The following SYN2 variants were observed in gnomAD, a reference collection of about 807,000 sequenced individuals.
SYN2 encodes synapsin II.
SYN2 carries 19 observed loss-of-function variants against 50.9 expected under a neutral mutation model. That is an observed-to-expected ratio of 0.37 (90% CI 0.26 to 0.55). The LOEUF (loss-of-function observed/expected upper bound fraction) is 0.55, where lower values mean the gene tolerates loss of function less well. Among genes scored for constraint, SYN2 ranks in the 20% least tolerant of loss-of-function variants. The pLI is 0.81. For missense variants in SYN2, 587 were observed against 576.4 expected (o/e 1.02, Z -0.19); for synonymous variants, 255 against 224.9 (o/e 1.13, Z -1.20).
intron 1 of SYN2, among the ~76,000 whole-genome samples, chr3:12,022,989 C>T (rs954150735): frequency 6.6e-6 from 1 of 152,124 alleles, no homozygotes; most frequent in Admixed American, 6.6e-5. Flanking sequence ...TAGAGAAATG[C>T]TTACAAGAGT....
chr3:12,055,875 C>T (rs537407482), intron 1 of SYN2, among the ~76,000 whole-genome samples: 1 of 152,294 alleles, frequency 6.6e-6, no homozygotes, highest in South Asian at 2.1e-4. Flanking sequence ...AGGTATTGAA[C>T]ATCAACAGCT....
chr3:12,034,843 C>A (rs952015594), intron 1 of SYN2, among the ~76,000 whole-genome samples: 2 of 152,158 alleles, frequency 1.3e-5, no homozygotes, highest in African/African-American at 4.8e-5. Flanking sequence ...CCAGCACCAG[C>A]CCCCTTCTCA....
chr3:12,100,859 G>T (rs550795435), intron 1 of SYN2, among the ~76,000 whole-genome samples: 1 of 152,092 alleles, frequency 6.6e-6, no homozygotes, highest in Middle Eastern at 3.4e-3. Flanking sequence ...GAACATCTAC[G>T]TGTCAAGTAG....
At chr3:12,077,149 A>T (rs538216505) in intron 1 of SYN2, among the ~76,000 whole-genome samples, 142 of 152,178 alleles carry the variant, frequency 9.3e-4, no homozygotes, top group African/African-American at 3.3e-3. Flanking sequence ...AGTTAAGTTA[A>T]TATGGTTAGT....
chr3:12,087,659 G>A (rs181120096), intron 1 of SYN2, among the ~76,000 whole-genome samples: 131 of 152,076 alleles, frequency 8.6e-4, no homozygotes, highest in Middle Eastern at 6.8e-3. Flanking sequence ...AGGTTGAGGC[G>A]GGAGGATCAC....
At chr3:12,120,298 G>A (rs1295203447) in intron 1 of SYN2, among the ~76,000 whole-genome samples, 1 of 151,810 alleles carries the variant, frequency 6.6e-6, no homozygotes, top group Non-Finnish European at 1.5e-5. Context: ...TTTTTTTTTA[G>A]AGCTTTATTT....
chr3:12,091,307 A>T (rs1010514017), intron 1 of SYN2, among the ~76,000 whole-genome samples: 2 of 152,188 alleles, frequency 1.3e-5, no homozygotes, highest in African/African-American at 2.4e-5. Context: ...ATGGAGCTAT[A>T]AGAAGATAAC....
At chr3:12,120,355 TTGA>T (rs1696527762) in intron 1 of SYN2, among the ~76,000 whole-genome samples, 2 of 152,324 alleles carry the variant, frequency 1.3e-5, no homozygotes, top group African/African-American at 4.8e-5. Context: ...TTTATTGCCC[TTGA>T]TGAGATCTGA....
intron 5 of SYN2, among the ~76,000 whole-genome samples, chr3:12,155,231 G>T (rs369464985): frequency 6.6e-6 from 1 of 152,212 alleles, no homozygotes; most frequent in Non-Finnish European, 1.5e-5. Flanking sequence ...AAAATGACAG[G>T]ATCTCTGCTC....
intron 1 of SYN2, among the ~76,000 whole-genome samples, chr3:12,113,236 G>A (rs1389266160): frequency 6.6e-6 from 1 of 152,134 alleles, no homozygotes; most frequent in Non-Finnish European, 1.5e-5. Context: ...CTAAGGAGAA[G>A]AGTGTACGTA....
chr3:12,146,311 A>G (rs2125220353), intron 4 of SYN2, among the ~76,000 whole-genome samples: 1 of 152,342 alleles, frequency 6.6e-6, no homozygotes, highest in East Asian at 1.9e-4. Context: ...TGGTTCAGCA[A>G]CCTGAAAATG....
intron 1 of SYN2, among the ~76,000 whole-genome samples, chr3:12,129,502 G>A (rs1214644241): frequency 6.6e-6 from 1 of 152,178 alleles, no homozygotes; most frequent in Non-Finnish European, 1.5e-5. Flanking sequence ...CCACTCAGCA[G>A]TTGATGAAAA....
intron 1 of SYN2, among the ~76,000 whole-genome samples, chr3:12,010,982 T>A (rs1271645963): frequency 6.6e-6 from 1 of 152,202 alleles, no homozygotes; most frequent in Non-Finnish European, 1.5e-5. Context: ...AAACAAAAGA[T>A]GACAATGCCA....
At chr3:12,092,352 A>T (rs1695848124) in intron 1 of SYN2, among the ~76,000 whole-genome samples, 1 of 152,196 alleles carries the variant, frequency 6.6e-6, no homozygotes, top group South Asian at 2.1e-4. Context: ...GGTGGTTAAG[A>T]CACAATCATT....
intron 1 of SYN2, among the ~76,000 whole-genome samples, chr3:12,133,738 T>C (rs1292755559): frequency 3.3e-5 from 5 of 152,246 alleles, no homozygotes. Context: ...ATCTTAGGCA[T>C]ATCTGACTGT....
In SYN2 at chr3:12,066,841, TG is replaced by T. The variant is rs540644237; in HGVS notation, c.377+61921del. On this transcript the variant is annotated intron_variant, in intron 1 of 12. Transcript: ENST00000621198. ...TAATTGTTGCACAATTTCACATGGC[TG>T]GGGGGGGCCTCAGGAAGCTTACAAT... is the stretch of plus-strand genomic sequence containing the variant. 3.7e-3 allele frequency among the ~76,000 whole-genome samples: 556 copies of T among 151,866 alleles called. 4 individuals carry two copies. The highest frequency in any genetic ancestry group is 6.5e-3 in the African/African-American group (270 of 41,424).
At chr3:12,140,466 G>C (rs964902421) in intron 1 of SYN2, among the ~76,000 whole-genome samples, 185 bp from the exon 2 acceptor site, 3 of 152,186 alleles carry the variant, frequency 2.0e-5, no homozygotes, top group Non-Finnish European at 4.4e-5. Context: ...TGGGTAAATT[G>C]AGGTTAAAAG....
At chr3:12,103,375 T>C (rs948503593) in intron 1 of SYN2, among the ~76,000 whole-genome samples, 7 of 152,190 alleles carry the variant, frequency 4.6e-5, no homozygotes, top group African/African-American at 1.7e-4. Context: ...AGATGAACAT[T>C]GTTTGTATGA....
chr3:12,164,204 C>G (rs542551214), intron 7 of SYN2, among the ~76,000 whole-genome samples: 5 of 152,132 alleles, frequency 3.3e-5, no homozygotes, highest in Non-Finnish European at 5.9e-5. Context: ...TTAAAATCCC[C>G]TAAATAAACA....
Sources: allele counts gnomAD v4.1 joint callset (sites outside exome capture counted in the v4.1 genomes callset), GRCh38; gene constraint gnomAD v4.1.1; transcripts MANE v1.5; gene names NCBI Gene and HGNC (gene_info 2026-07-23, HGNC 2026-07-21).